Variants in YWHAZ observed in about 807,000 individuals in gnomAD.
The protein encoded by YWHAZ is 14-3-3 protein zeta/delta.
For missense variants in YWHAZ, 79 were observed against 284.8 expected (o/e 0.28, Z 5.20); for synonymous variants, 87 against 103.6 (o/e 0.84, Z 0.97).
intron 1 of YWHAZ, chr8:100,950,645 C>G (rs1010710294): frequency 6.2e-6 from 6 of 972,530 alleles, no homozygotes; most frequent in Non-Finnish European, 7.3e-6. Flanking sequence ...GCCCGCGCCC[C>G]CGCCCAAGCC....
intron 5 of YWHAZ, among the ~76,000 whole-genome samples, chr8:100,921,416 A>C (rs982304590): frequency 2.0e-5 from 3 of 152,160 alleles, no homozygotes; most frequent in African/African-American, 7.2e-5. Flanking sequence ...AGGTGAGTGC[A>C]ACTATACCAG....
chr8:100,925,130 G>A, intron 2 of YWHAZ, 91 bp from the exon 3 acceptor site: 2 of 1,373,528 alleles, frequency 1.5e-6, no homozygotes, highest in South Asian at 1.5e-5. Flanking sequence ...TATAGCCTAA[G>A]TTATAAAACT....
chr8:100,925,100 G>T (rs1041433493), intron 2 of YWHAZ, 61 bp from the exon 3 acceptor site: 2 of 1,524,060 alleles, frequency 1.3e-6, no homozygotes, highest in Non-Finnish European at 1.8e-6. Context: ...GAAAGAACTT[G>T]CATTTCTTAA....
rs1258903048 is a variant in YWHAZ, at chr8:100,919,852, G to A, written c.*841C>T. ...CCTGTTAACTATTTTTACAGCACAT[G>A]CATGTTAGGCAAGTATCAAAAAAAA... On this transcript the variant is annotated 3_prime_UTR_variant, in exon 6 of 6. Coordinates refer to ENST00000395958, the MANE Select transcript of YWHAZ (RefSeq NM_145690.3). The A allele has an allele frequency of 4.5e-5, 6 of 133,956 alleles. No individual in the cohort carries two copies. The Admixed American group carries it at 4.8e-4, about 11-fold the overall frequency. The allele number at this position is 133,956 out of a possible 1,614,324, so 8.3% of individuals were successfully genotyped here. A position where few individuals can be genotyped will look rare whatever the true frequency, so the allele number is the denominator to read the frequency against.
In YWHAZ at chr8:100,919,274, T is replaced by C. The variant is rs1812863714; in HGVS notation, c.*1419A>G. 1 of 152,660 alleles carries C rather than the reference T, an allele frequency of 6.6e-6. No homozygotes were observed. Among genetic ancestry groups the C allele is most frequent in the Non-Finnish European group, 1.5e-5 (1 of 68,050 alleles). The allele number at this position is 152,660 out of a possible 1,614,324, so 9.5% of individuals were successfully genotyped here. On this transcript the variant is annotated 3_prime_UTR_variant, in exon 6 of 6. Transcript: ENST00000395958. Reference sequence around the variant, plus strand: ...AAGGATCAAAATTGAAGGCAGGCTATAAGAGTATCAAGAAATTCTTAAAAA... The same window carrying C: ...AAGGATCAAAATTGAAGGCAGGCTACAAGAGTATCAAGAAATTCTTAAAAA...
In YWHAZ at chr8:100,920,589, C is replaced by A. The variant is rs1317329463; in HGVS notation, c.*104G>T. On this transcript the variant is annotated 3_prime_UTR_variant, in exon 6 of 6. Coordinates refer to ENST00000395958, the MANE Select transcript of YWHAZ (RefSeq NM_145690.3). Reference sequence around the variant, plus strand: ...GAAATTCAAATAGAAGTAACATAAACCTGTCATAAATCGTAAACAAAAAAC... The same window carrying A: ...GAAATTCAAATAGAAGTAACATAAAACTGTCATAAATCGTAAACAAAAAAC... The A allele has an allele frequency of 1.8e-5, 20 of 1,088,360 alleles. No individual in the cohort carries two copies. The highest frequency in any genetic ancestry group is 2.8e-5 in the Non-Finnish European group (20 of 715,326). 67.4% of individuals were successfully genotyped at this position (1,088,360 alleles called of 1,614,324 possible).
At chr8:100,951,250 G>A (rs1364215848) in intron 1 of YWHAZ, 51 of 984,852 alleles carry the variant, frequency 5.2e-5, no homozygotes, top group African/African-American at 1.4e-4. Context: ...GGGCGCCGCC[G>A]CGCCAGGCCT....
rs1812729220 is a variant in YWHAZ at position 100,916,774 on chromosome 8, G to A, written c.*3919C>T. On this transcript the variant is annotated 3_prime_UTR_variant, in exon 6 of 6. Coordinates refer to ENST00000395958, the MANE Select transcript of YWHAZ (RefSeq NM_145690.3). ...CAGAGACATATATGCCTGCTTGTCT[G>A]GCAAGGTTGGACATCCTGTTACAAT... 6.6e-6 allele frequency: 1 copy of A among 152,102 alleles called. No individual in the cohort carries two copies. The highest frequency in any genetic ancestry group is 6.5e-5 in the Admixed American group (1 of 15,282). The allele number at this position is 152,102 out of a possible 1,614,324, so 9.4% of individuals were successfully genotyped here. A position where few individuals can be genotyped will look rare whatever the true frequency, so the allele number is the denominator to read the frequency against.
intron 1 of YWHAZ, chr8:100,951,624 G>A (rs763805896): frequency 8.1e-6 from 8 of 985,478 alleles, no homozygotes; most frequent in Non-Finnish European, 9.6e-6. Context: ...CGGCGACAGG[G>A]AGATCCCCAG....
chr8:100,929,430 C>T (rs1281287778), intron 2 of YWHAZ, among the ~76,000 whole-genome samples: 3 of 152,168 alleles, frequency 2.0e-5, no homozygotes, highest in Non-Finnish European at 4.4e-5. Flanking sequence ...GAACTTCTGA[C>T]TTCAGGTGAT....
At chr8:100,921,913 G>A (rs554014079) in intron 5 of YWHAZ, among the ~76,000 whole-genome samples, 21 of 152,308 alleles carry the variant, frequency 1.4e-4, no homozygotes, top group African/African-American at 5.1e-4. Flanking sequence ...ACATGAAAAC[G>A]GAGGGGAAGG....
At chr8:100,930,216 A>C (rs1813670515) in intron 2 of YWHAZ, among the ~76,000 whole-genome samples, 1 of 152,186 alleles carries the variant, frequency 6.6e-6, no homozygotes, top group Admixed American at 6.5e-5. Context: ...CTTCTGCCTC[A>C]GTCTCCCGAG....
In YWHAZ at chr8:100,924,341, T is replaced by C; in HGVS notation, c.419-43A>G. 6.3e-7 allele frequency: 1 copy of C among 1,582,238 alleles called. No individual in the cohort carries two copies. Among genetic ancestry groups the C allele is most frequent in the Non-Finnish European group, 8.6e-7 (1 of 1,167,998 alleles). On this transcript the variant is annotated intron_variant, in intron 3 of 5. Coordinates refer to ENST00000395958, the MANE Select transcript of YWHAZ (RefSeq NM_145690.3). The surrounding 1 kb of genome is among the most constrained non-coding windows in gnomAD (Gnocchi z 5.7). ...AAACGTACTGAGATAAAGTGTGCAT[T>C]ATATCTTCACCCCTCAAACCAAACC...
At chr8:100,928,500 G>A (rs1302036836) in intron 2 of YWHAZ, among the ~76,000 whole-genome samples, 1 of 152,190 alleles carries the variant, frequency 6.6e-6, no homozygotes. Context: ...GGGAGGCTGA[G>A]GCGGGTGGAT....
intron 1 of YWHAZ, chr8:100,950,849 G>C (rs1405657026): frequency 6.2e-6 from 1 of 160,810 alleles, no homozygotes; most frequent in Non-Finnish European, 1.3e-5. Flanking sequence ...CTGCAGGTGG[G>C]GGAGGGGACG....
Position 100,932,642 on chromosome 8 carries a change from G to A in YWHAZ, c.295-7603C>T, listed in dbSNP as rs149743443. On this transcript the variant is annotated intron_variant, in intron 2 of 5. Coordinates refer to ENST00000395958, the MANE Select transcript of YWHAZ (RefSeq NM_145690.3). ...AAAGTGAGAGGCTCAATTCATTTAA[G>A]ATATTTGTCGAATACCTAGGTCTGA... Among the ~76,000 whole-genome samples, 185 of 152,206 alleles carry A rather than the reference G, an allele frequency of 1.2e-3. 2 individuals are homozygous for A. Among genetic ancestry groups the A allele is most frequent in the African/African-American group, 4.2e-3 (174 of 41,526 alleles).
chr8:100,946,756 A>C (rs889211556), intron 2 of YWHAZ, among the ~76,000 whole-genome samples: 2 of 152,120 alleles, frequency 1.3e-5, no homozygotes, highest in Non-Finnish European at 2.9e-5. Context: ...CTTAAGGGAA[A>C]TGTTAATGTG....
At chr8:100,928,761 T>C (rs568178245) in intron 2 of YWHAZ, among the ~76,000 whole-genome samples, 1 of 151,838 alleles carries the variant, frequency 6.6e-6, no homozygotes, top group South Asian at 2.1e-4. Context: ...AAGGAACATA[T>C]TCTCAGCCTC....
In YWHAZ at chr8:100,920,734, G is replaced by C; in HGVS notation, c.697C>G (p.Gln233Glu). 1 of 1,521,116 alleles carries C rather than the reference G, an allele frequency of 6.6e-7. No individual in the cohort carries two copies. The highest frequency in any genetic ancestry group is 1.1e-5 in the South Asian group (1 of 89,590). The allele number at this position is 1,521,116 out of a possible 1,614,324, so 94.2% of individuals were successfully genotyped here. The change falls in exon 6 of 6, where the codon CAA becomes GAA. Residue 233 changes from glutamine to glutamate, a missense_variant. Gln to Glu is a conservative substitution (Grantham distance 29). Coordinates refer to ENST00000395958, the MANE Select transcript of YWHAZ (RefSeq NM_145690.3). ...DNLTLWTSDT[Q>E]GDEAEAGEGG... ...TCTCCTGCTTCAGCTTCGTCTCCTT[G>C]GGTATCCGATGTCCACAACTGGTAA... is the stretch of plus-strand genomic sequence containing the variant.
Sources: gnomAD v4.1 joint callset for allele counts (sites outside exome capture counted in the v4.1 genomes callset) on GRCh38, gnomAD v4.1.1 for gene constraint, Gnocchi (gnomAD v3.1) non-coding constraint, MANE v1.5 for transcripts, NCBI Gene and HGNC (gene_info 2026-07-23, HGNC 2026-07-21) for gene names.